The following CAPN13 variants were observed in gnomAD, a reference collection of about 807,000 sequenced individuals.
The protein encoded by CAPN13 is calpain 13.
In CAPN13, 90 loss-of-function variants were observed where a neutral mutation model predicts 98.4. The observed-to-expected ratio is 0.92, with a 90% CI of 0.77 to 1.09. The LOEUF (loss-of-function observed/expected upper bound fraction) is 1.09. Among genes scored for constraint, CAPN13 ranks in the 50% least tolerant of loss-of-function variants. The pLI is 0.00. For synonymous variants in CAPN13, 330 were observed against 305.5 expected, an observed-to-expected ratio of 1.08 and a Z score of -0.84; for missense variants, 887 against 841.3, an observed-to-expected ratio of 1.05 and a Z score of -0.67.
intron 2 of CAPN13, among the ~76,000 whole-genome samples, chr2:30,779,558 A>G (rs2148057141): frequency 6.6e-6 from 1 of 152,314 alleles, no homozygotes; most frequent in Non-Finnish European, 1.5e-5. Context: ...AGTGTCTGAC[A>G]TAGTACATGT....
intron 18 of CAPN13, among the ~76,000 whole-genome samples, chr2:30,735,972 A>G (rs977857886): frequency 2.0e-5 from 3 of 151,974 alleles, no homozygotes; most frequent in African/African-American, 4.8e-5. Flanking sequence ...GGAAATAGTG[A>G]ATCTCCTTTA....
chr2:30,790,315 C>G (rs1674535472), intron 1 of CAPN13, among the ~76,000 whole-genome samples: 1 of 152,186 alleles, frequency 6.6e-6, no homozygotes, highest in Non-Finnish European at 1.5e-5. Flanking sequence ...GAAGAAGACT[C>G]AGCTTTGTTA....
intron 5 of CAPN13, among the ~76,000 whole-genome samples, chr2:30,764,720 G>A (rs753480751): frequency 2.0e-5 from 3 of 152,142 alleles, no homozygotes; most frequent in Non-Finnish European, 2.9e-5. Flanking sequence ...ATATTATTAT[G>A]TTGAGTAACT....
At chr2:30,777,903 T>A (rs1247243982) in intron 2 of CAPN13, among the ~76,000 whole-genome samples, 1 of 152,038 alleles carries the variant, frequency 6.6e-6, no homozygotes, top group Non-Finnish European at 1.5e-5. Context: ...GGACTTGGAG[T>A]CCTTGGATCA....
At position 30,741,826 on chromosome 2, in the gene CAPN13, G is replaced by C. The variant is rs760575417; in HGVS notation, c.1536+82C>G. 5 of 1,607,078 alleles carry C rather than the reference G, an allele frequency of 3.1e-6. No individual in the cohort carries two copies. In the African/African-American group the frequency reaches 5.3e-5, roughly 17 times the overall value. Reference sequence around the variant, plus strand: ...AGTCACTTCTCCTCTCTGCATCCCAGTAAGGGCCTGTGAGAGCTGTCCCTC... The same window carrying C: ...AGTCACTTCTCCTCTCTGCATCCCACTAAGGGCCTGTGAGAGCTGTCCCTC... On this transcript the variant is annotated intron_variant, in intron 15 of 22. Coordinates refer to ENST00000295055, the MANE Select transcript of CAPN13 (RefSeq NM_144575.3).
chr2:30,724,698 C>T (rs1460158109), intron 22 of CAPN13, among the ~76,000 whole-genome samples: 2 of 152,204 alleles, frequency 1.3e-5, no homozygotes, highest in African/African-American at 2.4e-5. Context: ...TGAGTGTTTT[C>T]ACATCACCAG....
chr2:30,758,506 C>T (rs753655137), intron 7 of CAPN13, among the ~76,000 whole-genome samples: 21 of 152,254 alleles, frequency 1.4e-4, no homozygotes, highest in Middle Eastern at 6.8e-3. Flanking sequence ...TCCTCCAAGC[C>T]CTGTCATGGA....
intron 1 of CAPN13, among the ~76,000 whole-genome samples, chr2:30,800,668 C>T (rs1314579324): frequency 2.6e-5 from 4 of 152,162 alleles, no homozygotes; most frequent in Non-Finnish European, 2.9e-5. Context: ...TCTTATGTAG[C>T]CTCAATGATA....
chr2:30,755,131 C>T (rs938621279), intron 8 of CAPN13, among the ~76,000 whole-genome samples: 1 of 151,844 alleles, frequency 6.6e-6, no homozygotes, highest in African/African-American at 2.4e-5. Context: ...CACCACCCCC[C>T]CAAGCCCAAC....
chr2:30,767,456 C>T (rs1484047200), intron 5 of CAPN13, among the ~76,000 whole-genome samples: 1 of 152,202 alleles, frequency 6.6e-6, no homozygotes, highest in Non-Finnish European at 1.5e-5. Flanking sequence ...GGGTCAAAGT[C>T]ATCATGTCCT....
intron 1 of CAPN13, among the ~76,000 whole-genome samples, chr2:30,795,744 A>G (rs1674824221): frequency 6.6e-6 from 1 of 152,126 alleles, no homozygotes; most frequent in Non-Finnish European, 1.5e-5. Flanking sequence ...ATGAACATCA[A>G]TATTCTTTAC....
At chr2:30,752,966 G>A in intron 10 of CAPN13, 87 bp downstream of exon 10, 1 of 1,436,048 alleles carries the variant, frequency 7.0e-7, no homozygotes, top group East Asian at 2.3e-5. Flanking sequence ...CCAGAATCAA[G>A]GACCAGAGAG....
chr2:30,742,706 A>G (rs1381369068), intron 13 of CAPN13, among the ~76,000 whole-genome samples: 1 of 152,126 alleles, frequency 6.6e-6, no homozygotes, highest in Non-Finnish European at 1.5e-5. Flanking sequence ...AGAAGGTCTC[A>G]CCAATGCTCA....
chr2:30,785,799 G>A (rs967240446), intron 2 of CAPN13, among the ~76,000 whole-genome samples: 1 of 152,094 alleles, frequency 6.6e-6, no homozygotes, highest in Non-Finnish European at 1.5e-5. Flanking sequence ...AAATAGCAAA[G>A]GGAAAAAAAT....
Position 30,805,456 on chromosome 2 carries a change from C to A in CAPN13, c.-33+1846G>T, listed in dbSNP as rs188174250. Among the ~76,000 whole-genome samples the A allele has an allele frequency of 2.2e-3, 339 of 152,300 alleles. 1 individual carries two copies. The highest frequency in any genetic ancestry group is 6.8e-3 in the Middle Eastern group (2 of 294). ...GCTAAGTAGCACTTAAGCTTTGCCT[C>A]AGGCTTTGTTTTATAGAGAACCCAG... On this transcript the variant is annotated intron_variant, in intron 1 of 22. Transcript: ENST00000295055.
chr2:30,740,999 TATA>T (rs1671623409), intron 15 of CAPN13, among the ~76,000 whole-genome samples: 1 of 152,132 alleles, frequency 6.6e-6, no homozygotes, highest in South Asian at 2.1e-4. Flanking sequence ...AAGGAATGCA[TATA>T]ATATCATCCC....
At chr2:30,803,114 G>C (rs545219326) in intron 1 of CAPN13, among the ~76,000 whole-genome samples, 2 of 152,346 alleles carry the variant, frequency 1.3e-5, no homozygotes, top group Non-Finnish European at 2.9e-5. Flanking sequence ...AGTTTTCTGA[G>C]GTGGGGCTTA....
chr2:30,734,797 G>A (rs1204669940), intron 18 of CAPN13, among the ~76,000 whole-genome samples: 2 of 152,218 alleles, frequency 1.3e-5, no homozygotes, highest in Non-Finnish European at 2.9e-5. Flanking sequence ...CTTTTGAGGG[G>A]AGTGTAGGGC....
rs755456873 is a variant in CAPN13, at chr2:30,787,229, G to A, written c.97C>T (p.Arg33Trp). The A allele has an allele frequency of 2.0e-5, 33 of 1,611,854 alleles. No homozygotes were observed. The highest frequency in any genetic ancestry group is 1.1e-4 in the East Asian group (5 of 44,858). Residue 33 changes from arginine (R) to tryptophan (W), a missense_variant, in exon 2 of 23, where the codon CGG (arginine) becomes TGG (tryptophan). Coordinates refer to ENST00000295055, the MANE Select transcript of CAPN13 (RefSeq NM_144575.3). ...TLRDHCLSMG[R>W]TFKDETFPAA... ...GGGAATGTCTCATCCTTAAACGTCC[G>A]GCCCATGCTCAGGCAGTGATCCCGC...
Sources: allele counts gnomAD v4.1 joint callset (sites outside exome capture counted in the v4.1 genomes callset), GRCh38; gene constraint gnomAD v4.1.1; transcripts MANE v1.5; gene names NCBI Gene and HGNC (gene_info 2026-07-23, HGNC 2026-07-21).